Variants in MYO6 observed in about 807,000 individuals in gnomAD.
MYO6 encodes myosin VI.
In MYO6, 74 loss-of-function variants were observed where a neutral mutation model predicts 178.7. The observed-to-expected ratio is 0.41, with a 90% CI of 0.34 to 0.50. MYO6 has a LOEUF of 0.50. Among genes scored for constraint, MYO6 ranks in the 20% least tolerant of loss-of-function variants. The pLI, the probability that MYO6 is intolerant of heterozygous loss-of-function variation, is 0.09. For synonymous variants in MYO6, 477 were observed against 504.6 expected, an observed-to-expected ratio of 0.95 and a Z score of 0.73; for missense variants, 1,330 against 1,547.4, an observed-to-expected ratio of 0.86 and a Z score of 2.36.
chr6:75,779,894 T>C (rs773083114), intron 1 of MYO6, among the ~76,000 whole-genome samples: 2 of 152,228 alleles, frequency 1.3e-5, no homozygotes, highest in Non-Finnish European at 1.5e-5. Context: ...GATTCAAGTT[T>C]CCTTTTTCTT....
chr6:75,865,939 G>C (rs535914152), intron 16 of MYO6, among the ~76,000 whole-genome samples: 61 of 152,232 alleles, frequency 4.0e-4, no homozygotes, highest in Admixed American at 3.9e-3. Context: ...ATGGGCTTTG[G>C]GATGTTTAAA....
intron 20 of MYO6, among the ~76,000 whole-genome samples, chr6:75,874,970 A>T (rs1317903306): frequency 6.6e-6 from 1 of 152,122 alleles, no homozygotes; most frequent in African/African-American, 2.4e-5. Flanking sequence ...CCCTTTTAAC[A>T]TATCCTTTTC....
At chr6:75,885,287 A>T (rs1053749126) in intron 23 of MYO6, among the ~76,000 whole-genome samples, 3 of 152,266 alleles carry the variant, frequency 2.0e-5, no homozygotes, top group East Asian at 3.9e-4. Flanking sequence ...TAATCCTAGC[A>T]CTTTGGGAGG....
chr6:75,782,878 A>G (rs1767125702), intron 1 of MYO6, among the ~76,000 whole-genome samples: 1 of 148,566 alleles, frequency 6.7e-6, no homozygotes, highest in Non-Finnish European at 1.5e-5. Context: ...AACAAGTGAT[A>G]GTCCTTGATA....
Position 75,855,191 on chromosome 6 carries a change from A to G in MYO6, c.1131A>G (p.Glu377=). ...KSAQSLEYCA[E]LLGLDQDDLR... is the part of the protein sequence containing the mutation. The stretch of plus-strand genomic sequence containing the variant: ...CTCAGTCTTTGGAATATTGTGCTGA[A>G]TTACTGGGTTTGGACCAAGATGATC... Residue 377 remains glutamate (E), a synonymous_variant, in exon 12 of 35, where the codon GAA becomes GAG. Coordinates refer to ENST00000369977, the MANE Select transcript of MYO6 (RefSeq NM_004999.4). 6.2e-7 allele frequency: 1 copy of G among 1,613,244 alleles called. No homozygotes were observed. The highest frequency in any genetic ancestry group is 1.3e-5 in the African/African-American group (1 of 75,032).
At chr6:75,806,485 A>G (rs1385849676) in intron 1 of MYO6, among the ~76,000 whole-genome samples, 1 of 152,162 alleles carries the variant, frequency 6.6e-6, no homozygotes, top group Non-Finnish European at 1.5e-5. Context: ...ACATGTTCAG[A>G]TTGTTGGGAA....
At chr6:75,771,201 C>T (rs929590878) in intron 1 of MYO6, among the ~76,000 whole-genome samples, 1 of 151,992 alleles carries the variant, frequency 6.6e-6, no homozygotes, top group African/African-American at 2.4e-5. Flanking sequence ...AGGGTTTCAT[C>T]ATGTTGTCCA....
At chr6:75,859,407 C>T (rs574331027) in intron 14 of MYO6, among the ~76,000 whole-genome samples, 13 of 151,506 alleles carry the variant, frequency 8.6e-5, no homozygotes, top group Non-Finnish European at 1.6e-4. Context: ...TCAAGCGATT[C>T]TCCTGCCTCA....
chr6:75,805,021 A>ATATATATATATATATTTTTTTT (rs1252912172), intron 1 of MYO6, among the ~76,000 whole-genome samples: 2 of 77,284 alleles, frequency 2.6e-5, no homozygotes, highest in African/African-American at 1.0e-4. Context: ...ATATATATAT[A>ATATATATATATATATTTTTTTT]TTTTTTTTTT....
intron 2 of MYO6, among the ~76,000 whole-genome samples, chr6:75,819,960 A>C (rs1237348913): frequency 6.6e-6 from 1 of 152,104 alleles, no homozygotes; most frequent in Non-Finnish European, 1.5e-5. Context: ...GCTGAAGTGC[A>C]CTTAAGCCAG....
rs1778790047 is a variant in MYO6, at chr6:75,890,179, G to A, written c.2781G>A (p.Arg927=). The A allele has an allele frequency of 3.7e-6, 6 of 1,612,462 alleles. No individual in the cohort carries two copies. The highest frequency in any genetic ancestry group is 1.7e-5 in the Admixed American group (1 of 60,002). The change falls in exon 26 of 35, where the codon AGG becomes AGA. Residue 927 remains arginine, a synonymous_variant. Coordinates refer to ENST00000369977, the MANE Select transcript of MYO6 (RefSeq NM_004999.4). Reference sequence around the variant, plus strand: ...AGGAAGAGGAAGCAGAAAGGCTGAGGCGTATTCAAGAAGAAATGGAAAAGG... The same window carrying A: ...AGGAAGAGGAAGCAGAAAGGCTGAGACGTATTCAAGAAGAAATGGAAAAGG... ...KQQEEEAERL[R]RIQEEMEKER...
chr6:75,788,703 G>A (rs1270952722), intron 1 of MYO6, among the ~76,000 whole-genome samples: 1 of 152,176 alleles, frequency 6.6e-6, no homozygotes, highest in Non-Finnish European at 1.5e-5. Flanking sequence ...CTCCCAAAAT[G>A]TTAAGATTAC....
At chr6:75,801,813 C>T (rs527574985) in intron 1 of MYO6, among the ~76,000 whole-genome samples, 10 of 151,572 alleles carry the variant, frequency 6.6e-5, no homozygotes, top group South Asian at 4.2e-4. Context: ...TGGTGGCAGG[C>T]GCCTGTAATC....
intron 28 of MYO6, among the ~76,000 whole-genome samples, chr6:75,894,403 T>A (rs555529346): frequency 6.6e-6 from 1 of 152,222 alleles, no homozygotes; most frequent in Non-Finnish European, 1.5e-5. Context: ...GTTTTAGTTA[T>A]GTGGTTCAGG....
intron 1 of MYO6, among the ~76,000 whole-genome samples, chr6:75,774,294 A>G (rs1396621695): frequency 3.3e-5 from 5 of 152,218 alleles, no homozygotes; most frequent in Admixed American, 6.5e-5. Context: ...ACAGCATGAT[A>G]GTTAACATTT....
intron 1 of MYO6, among the ~76,000 whole-genome samples, chr6:75,795,957 T>A (rs1768775565): frequency 1.3e-5 from 2 of 152,178 alleles, no homozygotes; most frequent in Non-Finnish European, 2.9e-5. Flanking sequence ...TGACACAAAG[T>A]CCCATAAGAT....
At chr6:75,859,667 CT>C (rs34957875) in intron 14 of MYO6, among the ~76,000 whole-genome samples, 115 of 118,296 alleles carry the variant, frequency 9.7e-4, no homozygotes, top group East Asian at 1.5e-3. Flanking sequence ...ATCTCCCACT[CT>C]TTTTTTTTTT....
intron 1 of MYO6, among the ~76,000 whole-genome samples, chr6:75,774,779 AATTATTATT>A (rs906955292): frequency 6.6e-6 from 1 of 151,578 alleles, no homozygotes; most frequent in Non-Finnish European, 1.5e-5. Context: ...TTTATTGAGA[AATTATTATT>A]ATTATTATTA....
Position 75,892,635 on chromosome 6 carries a change from C to G in MYO6, c.3052C>G (p.Gln1018Glu), listed in dbSNP as rs1778988421. 1 of 1,613,078 alleles carries G rather than the reference C, an allele frequency of 6.2e-7. No individual in the cohort carries two copies. Among genetic ancestry groups the G allele is most frequent in the Non-Finnish European group, 8.5e-7 (1 of 1,180,024 alleles). Residue 1018 changes from glutamine (Q) to glutamate (E), a missense_variant, in exon 28 of 35, where the codon CAG (glutamine) becomes GAG (glutamate). Around this residue, in one of 3 missense-constraint regions of MYO6, gnomAD observed 601 missense variants for 626.1 expected, o/e 0.96. Transcript: ENST00000369977. ...CCGGGAGCTGGCCCTGAGGATTGCC[C>G]AGAGTGAAGCCGAGCTCATCAGTGA... ...RDRELALRIA[Q>E]SEAELISDEA...
Sources: allele counts gnomAD v4.1 joint callset (sites outside exome capture counted in the v4.1 genomes callset), GRCh38; gene constraint gnomAD v4.1.1; regional missense constraint gnomAD v4.1.1; transcripts MANE v1.5; gene names NCBI Gene and HGNC (gene_info 2026-07-23, HGNC 2026-07-21).